The following C6orf89 variants were observed in gnomAD, a reference collection of about 807,000 sequenced individuals.
The protein encoded by C6orf89 is bombesin receptor-activated protein C6orf89.
Under a neutral mutation model 40.7 loss-of-function variants are expected in C6orf89, and 29 were observed. The ratio of observed to expected loss-of-function variants is 0.71; its 90% CI spans 0.53 to 0.97. The LOEUF (loss-of-function observed/expected upper bound fraction) is 0.97, where lower values mean the gene tolerates loss of function less well. Ranked by LOEUF, C6orf89 falls within the 50% of genes least tolerant of loss-of-function variation. The pLI, the probability that C6orf89 is intolerant of heterozygous loss-of-function variation, is 0.00. For missense variants in C6orf89, 392 were observed against 429.1 expected (o/e 0.91, Z 0.76); for synonymous variants, 165 against 152.2 (o/e 1.08, Z -0.62).
intron 2 of C6orf89, among the ~76,000 whole-genome samples, chr6:36,897,083 C>T (rs543732840): frequency 2.1e-5 from 3 of 143,612 alleles, no homozygotes; most frequent in East Asian, 2.1e-4. Flanking sequence ...GAGCCAAGAT[C>T]GCGCCACTGC....
At chr6:36,905,850 G>A (rs1234207255) in intron 4 of C6orf89, among the ~76,000 whole-genome samples, 2 of 152,158 alleles carry the variant, frequency 1.3e-5, no homozygotes, top group East Asian at 3.9e-4. Flanking sequence ...CTGAGGCCAG[G>A]AGAGGTAAAG....
chr6:36,924,160 C>G lies in C6orf89; in HGVS notation c.*719C>G, dbSNP rs1762608159. 1 of 155,266 alleles carries G rather than the reference C, an allele frequency of 6.4e-6. No individual in the cohort carries two copies. Among genetic ancestry groups the G allele is most frequent in the Non-Finnish European group, 1.4e-5 (1 of 69,910 alleles). The allele number at this position is 155,266 out of a possible 1,614,324, so 9.6% of individuals were successfully genotyped here. On this transcript the variant is annotated 3_prime_UTR_variant, in exon 9 of 9. Transcript: ENST00000480824. ...TGCACCCCCTCCCCTTCTCCCTTGC[C>G]TATCTGGATGGCTTCTCAGAAGCTC...
rs34191608 is a variant in C6orf89, at chr6:36,897,129, C to CAAA, written c.-19-2277_-19-2275dup. Among the ~76,000 whole-genome samples, 458 of 85,320 alleles carry CAAA rather than the reference C, an allele frequency of 5.4e-3. 4 individuals carry two copies. The highest frequency in any genetic ancestry group is 0.019 in the African/African-American group (405 of 21,744). 56.0% of individuals were successfully genotyped at this position (85,320 alleles called of 152,430 possible). On this transcript the variant is annotated intron_variant, in intron 2 of 8. Coordinates refer to ENST00000480824, the MANE Select transcript of C6orf89 (RefSeq NM_001286635.2). ...GGGCAACCAGAGCAAGACTCTGTCT[C>CAAA]AAAAAAAAAAAAAAAAAAAAAAGAA...
intron 1 of C6orf89, among the ~76,000 whole-genome samples, chr6:36,875,413 G>C (rs1163793888): frequency 6.6e-6 from 1 of 152,236 alleles, no homozygotes; most frequent in Non-Finnish European, 1.5e-5. Context: ...GGAGAAAAGA[G>C]AGGGAAGGGG....
intron 1 of C6orf89, among the ~76,000 whole-genome samples, chr6:36,894,290 C>T (rs572195252): frequency 8.5e-4 from 129 of 152,304 alleles, no homozygotes; most frequent in African/African-American, 2.9e-3. Context: ...CTTTCTGGAT[C>T]CTTTCCATTC....
intron 4 of C6orf89, among the ~76,000 whole-genome samples, chr6:36,912,207 C>T (rs1301652968): frequency 1.1e-4 from 16 of 152,200 alleles, no homozygotes; most frequent in Admixed American, 1.0e-3. Context: ...CTGCTGTGTT[C>T]TTCCTGCCAC....
In C6orf89 at chr6:36,914,606, C is replaced by G; in HGVS notation, c.608C>G (p.Pro203Arg). 6.2e-7 allele frequency: 1 copy of G among 1,614,238 alleles called. No individual in the cohort carries two copies. ...ATTCAGCATTTTTTGTGCCAGTACC[C>G]TGAGGCGACAGAAGGCTTCTCTGAA... is the stretch of plus-strand genomic sequence containing the variant. Reference protein sequence around the residue: ...EEIQHFLCQYPEATEGFSEGF... With the variant: ...EEIQHFLCQYREATEGFSEGF... Residue 203 changes from proline to arginine, a missense_variant, in exon 6 of 9, where the codon CCT becomes CGT. Physicochemically the swap from Pro to Arg is moderately radical, Grantham distance 103. Coordinates refer to ENST00000480824, the MANE Select transcript of C6orf89 (RefSeq NM_001286635.2).
intron 1 of C6orf89, among the ~76,000 whole-genome samples, chr6:36,872,335 T>C (rs1363409797): frequency 1.3e-5 from 2 of 152,168 alleles, no homozygotes; most frequent in Non-Finnish European, 2.9e-5. Flanking sequence ...AATAGGAAGA[T>C]GTTTAATGAA....
chr6:36,913,763 G>T (rs1048080375), intron 4 of C6orf89, among the ~76,000 whole-genome samples: 3 of 151,874 alleles, frequency 2.0e-5, no homozygotes, highest in Admixed American at 2.0e-4. Flanking sequence ...ACAGAGAAGA[G>T]TACCTCTCCT....
At chr6:36,883,029 G>A (rs1048594645), upstream of C6orf89, among the ~76,000 whole-genome samples, 2 of 152,144 alleles carry the variant, frequency 1.3e-5, no homozygotes, top group Non-Finnish European at 2.9e-5. Context: ...GTGAGCCACC[G>A]CGCCCGGCCT....
At chr6:36,875,270 A>G (rs1774622194) in intron 1 of C6orf89, among the ~76,000 whole-genome samples, 1 of 152,226 alleles carries the variant, frequency 6.6e-6, no homozygotes. Flanking sequence ...CATCTACTCC[A>G]CAAAACAATT....
intron 6 of C6orf89, 97 bp downstream of exon 6, chr6:36,914,790 G>GGCTCA: frequency 6.9e-7 from 1 of 1,453,026 alleles, no homozygotes; most frequent in South Asian, 1.2e-5. Flanking sequence ...AGGAGTTGCA[G>GGCTCA]ACCAGCCTGG....
chr6:36,927,373 C>T lies in C6orf89; in HGVS notation c.*3932C>T, dbSNP rs1166764028. On this transcript the variant is annotated 3_prime_UTR_variant, in exon 9 of 9. Coordinates refer to ENST00000480824, the MANE Select transcript of C6orf89 (RefSeq NM_001286635.2). ...TCACTTTCGTAGTGAATGTTCAAACCCCAAAGCAAATGTTTGCATCTCCTT... is the reference window on the plus strand; with the variant it reads ...TCACTTTCGTAGTGAATGTTCAAACTCCAAAGCAAATGTTTGCATCTCCTT... 6.6e-6 allele frequency: 1 copy of T among 152,170 alleles called. No homozygotes were observed. Among genetic ancestry groups the T allele is most frequent in the Non-Finnish European group, 1.5e-5 (1 of 68,034 alleles). The allele number at this position is 152,170 out of a possible 1,614,324, so 9.4% of individuals were successfully genotyped here. A position where few individuals can be genotyped will look rare whatever the true frequency, so the allele number is the denominator to read the frequency against.
intron 2 of C6orf89, among the ~76,000 whole-genome samples, chr6:36,880,565 G>C (rs1463721249): frequency 6.7e-6 from 1 of 150,262 alleles, no homozygotes; most frequent in Non-Finnish European, 1.5e-5. Context: ...GTAATCTTTG[G>C]GAAATAAAAA....
At position 36,916,594 on chromosome 6, in the gene C6orf89, C is replaced by T. The variant is rs1300670789; in HGVS notation, c.825+20C>T. ...AGTAAGGTAGGAAATTTTGAGAGGA[C>T]TTGGATCTAGAATTTTCTTTATTTG... On this transcript the variant is annotated intron_variant, in intron 7 of 8. Transcript: ENST00000480824. 6.2e-7 allele frequency: 1 copy of T among 1,612,286 alleles called. No homozygotes were observed. The highest frequency in any genetic ancestry group is 8.5e-7 in the Non-Finnish European group (1 of 1,179,258).
intron 4 of C6orf89, among the ~76,000 whole-genome samples, chr6:36,910,238 T>C (rs1762076879): frequency 6.6e-6 from 1 of 152,044 alleles, no homozygotes; most frequent in South Asian, 2.1e-4. Flanking sequence ...GGGACTAAAG[T>C]GCCACCATGC....
chr6:36,918,864 T>G (rs6457964), intron 7 of C6orf89, among the ~76,000 whole-genome samples: 46,028 of 152,174 alleles, frequency 0.3, 8,246 homozygotes, highest in African/African-American at 0.5. Context: ...GCTGGCAGTA[T>G]CATGCCCTCA....
At chr6:36,896,536 T>C (rs1287651253) in intron 2 of C6orf89, among the ~76,000 whole-genome samples, 4 of 152,192 alleles carry the variant, frequency 2.6e-5, no homozygotes, top group Non-Finnish European at 4.4e-5. Flanking sequence ...TTATCAGATA[T>C]ATAATTTGCA....
intron 1 of C6orf89, among the ~76,000 whole-genome samples, chr6:36,875,525 C>T (rs1774629119): frequency 6.6e-6 from 1 of 152,240 alleles, no homozygotes; most frequent in South Asian, 2.1e-4. Flanking sequence ...TAGATGGTAC[C>T]TGAAAGTTGT....
Sources: gnomAD v4.1 joint callset for allele counts (sites outside exome capture counted in the v4.1 genomes callset) on GRCh38, gnomAD v4.1.1 for gene constraint, MANE v1.5 for transcripts, NCBI Gene and HGNC (gene_info 2026-07-23, HGNC 2026-07-21) for gene names.